Variants in SCAI observed in about 807,000 individuals in gnomAD.
SCAI encodes protein SCAI.
In SCAI, 24 loss-of-function variants were observed where a neutral mutation model predicts 92.2. The observed-to-expected ratio is 0.26, with a 90% CI of 0.19 to 0.37. The LOEUF (loss-of-function observed/expected upper bound fraction) is 0.37, where lower values mean the gene tolerates loss of function less well. SCAI is among the 10% of genes least tolerant of loss of function. The pLI, the probability that SCAI is intolerant of heterozygous loss-of-function variation, is 1.00. For missense variants in SCAI, 450 were observed against 736.2 expected, an observed-to-expected ratio of 0.61 and a Z score of 4.50; for synonymous variants, 261 against 258.6, an observed-to-expected ratio of 1.01 and a Z score of -0.09.
In SCAI at chr9:124,951,655, T is replaced by C. The variant is rs1310804567; in HGVS notation, c.*1152A>G. The stretch of plus-strand genomic sequence containing the variant: ...CCTTCTCATTCATAGATTTCTGAAA[T>C]TGAATGCTGCATAATCAAAAAGGAG... On this transcript the variant is annotated 3_prime_UTR_variant, in exon 18 of 18. Transcript: ENST00000336505. The C allele has an allele frequency of 1.3e-5, 2 of 152,156 alleles. No homozygotes were observed. Among genetic ancestry groups the C allele is most frequent in the African/African-American group, 2.4e-5 (1 of 41,436 alleles). 9.4% of individuals were successfully genotyped at this position (152,156 alleles called of 1,614,324 possible).
At chr9:125,011,358 G>A (rs1181502299) in intron 9 of SCAI, among the ~76,000 whole-genome samples, 2 of 152,192 alleles carry the variant, frequency 1.3e-5, no homozygotes, top group African/African-American at 4.8e-5. Flanking sequence ...GGAGCTGAAA[G>A]CCAAGGCTCA....
intron 9 of SCAI, among the ~76,000 whole-genome samples, chr9:125,011,701 G>A (rs10125436): frequency 0.2 from 30,894 of 151,954 alleles, 3,451 homozygotes; most frequent in African/African-American, 0.27. Context: ...GATATTCCTC[G>A]AGAAGAGCAA....
chr9:125,024,516 C>T (rs576292390), intron 6 of SCAI, among the ~76,000 whole-genome samples: 21 of 152,294 alleles, frequency 1.4e-4, no homozygotes, highest in Non-Finnish European at 2.9e-4. Flanking sequence ...ACCTCATGAT[C>T]CGCCTGCCTT....
intron 12 of SCAI, among the ~76,000 whole-genome samples, chr9:125,000,603 G>GAA (rs11315935): frequency 6.9e-6 from 1 of 144,246 alleles, no homozygotes. Flanking sequence ...CCCTGTCTCA[G>GAA]AAAAAAAAAA....
At chr9:125,069,319 C>T (rs1833932054) in intron 2 of SCAI, among the ~76,000 whole-genome samples, 1 of 151,532 alleles carries the variant, frequency 6.6e-6, no homozygotes, top group Non-Finnish European at 1.5e-5. Flanking sequence ...GTTATGAGCT[C>T]AGATTTTTTT....
rs181159120 is a variant in SCAI at position 125,066,625 on chromosome 9, T to C, written c.99-10618A>G. On this transcript the variant is annotated intron_variant, in intron 2 of 17. Transcript: ENST00000336505. ...TGCCTGCCACCGCGCCCGGCTAATT[T>C]TTTGTATTTTTAGTAGATACGGGGT... is the stretch of plus-strand genomic sequence containing the variant. Among the ~76,000 whole-genome samples, 336 of 152,062 alleles carry C rather than the reference T, an allele frequency of 2.2e-3. 3 individuals are homozygous for C. The highest frequency in any genetic ancestry group is 7.7e-3 in the African/African-American group (321 of 41,476).
intron 9 of SCAI, among the ~76,000 whole-genome samples, chr9:125,007,175 C>A (rs890352772): frequency 6.6e-6 from 1 of 151,904 alleles, no homozygotes; most frequent in East Asian, 1.9e-4. Flanking sequence ...AATATGCAAG[C>A]AAATTATCAG....
chr9:125,047,051 T>C (rs1833457888), intron 3 of SCAI, among the ~76,000 whole-genome samples: 1 of 152,126 alleles, frequency 6.6e-6, no homozygotes, highest in South Asian at 2.1e-4. Context: ...CTGGTAACAT[T>C]TCAATAAAAC....
At chr9:125,063,384 G>GAAAAAAAAAAAAAAAAAAAA (rs57488794) in intron 2 of SCAI, among the ~76,000 whole-genome samples, 2 of 99,626 alleles carry the variant, frequency 2.0e-5, no homozygotes, top group Non-Finnish European at 2.2e-5. Flanking sequence ...CTCAAAGGAG[G>GAAAAAAAAAAAAAAAAAAAA]AAAAAAAAAA....
At chr9:124,964,471 C>A (rs1831501200) in intron 17 of SCAI, among the ~76,000 whole-genome samples, 2 of 152,302 alleles carry the variant, frequency 1.3e-5, no homozygotes, top group Middle Eastern at 3.4e-3. Flanking sequence ...GGCTTTCAAG[C>A]CTTTTTCTGT....
rs1359267491 is a variant in SCAI, at chr9:125,003,480, G to T, written c.952C>A (p.Pro318Thr). The T allele has an allele frequency of 6.2e-7, 1 of 1,608,136 alleles. No individual in the cohort carries two copies. The change falls in exon 10 of 18, where the codon CCA becomes ACA. Residue 318 changes from proline to threonine, a missense_variant. By Grantham distance (38) the Pro-to-Thr change is conservative. Transcript: ENST00000336505. ...PMNLASQMNK[P>T]GMQESADKPT... ...AAAGAGGAGATTACCTGCATTCCTG[G>T]TTTATTCATCTGGGAAGCTAAATTC...
intron 2 of SCAI, among the ~76,000 whole-genome samples, chr9:125,113,934 C>G (rs1564419015): frequency 6.6e-6 from 1 of 152,204 alleles, no homozygotes; most frequent in Non-Finnish European, 1.5e-5. Context: ...TGCACTCTAG[C>G]CTGGGCAACA....
In SCAI at chr9:124,989,337, G is replaced by A. The variant is rs189953807; in HGVS notation, c.1326+5597C>T. On this transcript the variant is annotated intron_variant, in intron 14 of 17. Transcript: ENST00000336505. ...GCTCAGGCTGAGCATGGTGGCTCAC[G>A]TCTGTAACCCTAGCACTTTGGGAGG... is the stretch of plus-strand genomic sequence containing the variant. Among the ~76,000 whole-genome samples, 29 of 152,186 alleles carry A rather than the reference G, an allele frequency of 1.9e-4. No homozygotes were observed. In the East Asian group the frequency reaches 4.1e-3, roughly 21 times the overall value.
At chr9:124,965,426 G>A (rs1009396451) in intron 17 of SCAI, among the ~76,000 whole-genome samples, 2 of 151,978 alleles carry the variant, frequency 1.3e-5, no homozygotes, top group Admixed American at 1.3e-4. Flanking sequence ...TAGAGACGAG[G>A]GTTTCACCAT....
intron 3 of SCAI, among the ~76,000 whole-genome samples, chr9:125,043,701 A>G (rs956230640): frequency 6.6e-6 from 1 of 151,950 alleles, no homozygotes; most frequent in African/African-American, 2.4e-5. Context: ...ACTCACTGCA[A>G]CCTCTCCCTC....
At chr9:125,140,455 G>C (rs1835641512) in intron 2 of SCAI, among the ~76,000 whole-genome samples, 1 of 152,176 alleles carries the variant, frequency 6.6e-6, no homozygotes, top group South Asian at 2.1e-4. Flanking sequence ...TTGAACCCAG[G>C]AGGCGGAGAT....
chr9:125,052,534 G>A (rs1163945836), intron 3 of SCAI, among the ~76,000 whole-genome samples: 1 of 152,078 alleles, frequency 6.6e-6, no homozygotes, highest in African/African-American at 2.4e-5. Context: ...GGAGGCAGGA[G>A]AATCACTTGA....
intron 14 of SCAI, among the ~76,000 whole-genome samples, chr9:124,981,356 T>C (rs989235648): frequency 4.6e-5 from 7 of 152,234 alleles, no homozygotes; most frequent in Admixed American, 6.5e-5. Context: ...CCTCTTCTAC[T>C]AATCCGAACA....
At chr9:125,112,270 G>A (rs1366746869) in intron 2 of SCAI, among the ~76,000 whole-genome samples, 1 of 151,990 alleles carries the variant, frequency 6.6e-6, no homozygotes, top group Non-Finnish European at 1.5e-5. Flanking sequence ...TTAACTGCGT[G>A]CCAAGAAAAG....
Sources: allele counts gnomAD v4.1 joint callset (sites outside exome capture counted in the v4.1 genomes callset), GRCh38; gene constraint gnomAD v4.1.1; transcripts MANE v1.5; gene names NCBI Gene and HGNC (gene_info 2026-07-23, HGNC 2026-07-21).